BICC1: variants seen among roughly 807,000 people sequenced by gnomAD.
BICC1 encodes the protein BicC family RNA binding protein 1, also known as protein bicaudal C homolog 1.
Under a neutral mutation model 111.0 loss-of-function variants are expected in BICC1, and 43 were observed. The ratio of observed to expected loss-of-function variants is 0.39; its 90% CI spans 0.30 to 0.50. The LOEUF is 0.50. Ranked by LOEUF, BICC1 falls within the 20% of genes least tolerant of loss-of-function variation. The pLI is 0.88. For missense variants in BICC1, 1,091 were observed against 1,203.2 expected, an observed-to-expected ratio of 0.91 and a Z score of 1.38; for synonymous variants, 467 against 434.4, an observed-to-expected ratio of 1.07 and a Z score of -0.93.
intron 2 of BICC1, among the ~76,000 whole-genome samples, chr10:58,652,404 G>T (rs895817925): frequency 6.6e-6 from 1 of 152,010 alleles, no homozygotes; most frequent in East Asian, 1.9e-4. Flanking sequence ...TCTTTTGCTC[G>T]TAAATCTGAA....
chr10:58,608,433 T>C (rs2132097572), intron 1 of BICC1, among the ~76,000 whole-genome samples: 1 of 152,284 alleles, frequency 6.6e-6, no homozygotes, highest in East Asian at 1.9e-4. Flanking sequence ...AAAACGCGTT[T>C]TGGAATCAGA....
chr10:58,683,604 T>G lies in BICC1; in HGVS notation c.238-18470T>G, dbSNP rs192742038. 2.6e-5 allele frequency among the ~76,000 whole-genome samples: 4 copies of G among 152,314 alleles called. No homozygotes were observed. In the East Asian group the frequency reaches 7.7e-4, roughly 29 times the overall value. On this transcript the variant is annotated intron_variant, in intron 2 of 20. Transcript: ENST00000373886. Reference sequence around the variant, plus strand: ...CTTGAAGAGGTCCTTCACAAACTTTTAAGTTGGATTCCTAGGTATTTTATT... The same window carrying G: ...CTTGAAGAGGTCCTTCACAAACTTTGAAGTTGGATTCCTAGGTATTTTATT...
chr10:58,791,397 C>T (rs1252929095), intron 8 of BICC1, among the ~76,000 whole-genome samples: 1 of 152,082 alleles, frequency 6.6e-6, no homozygotes, highest in Non-Finnish European at 1.5e-5. Context: ...AGGCTTTAAC[C>T]CGTATTTTAA....
intron 3 of BICC1, among the ~76,000 whole-genome samples, chr10:58,750,937 A>G (rs1166677790): frequency 6.6e-6 from 1 of 152,062 alleles, no homozygotes; most frequent in East Asian, 1.9e-4. Flanking sequence ...TTCCTTGGGA[A>G]AGTCTTTTGC....
At chr10:58,810,442 G>A (rs1253625425) in intron 17 of BICC1, among the ~76,000 whole-genome samples, 1 of 152,044 alleles carries the variant, frequency 6.6e-6, no homozygotes, top group Non-Finnish European at 1.5e-5. Flanking sequence ...TGCTACTAAT[G>A]GAAAGATATG....
intron 3 of BICC1, among the ~76,000 whole-genome samples, chr10:58,704,725 T>C (rs1322331605): frequency 6.6e-6 from 1 of 152,214 alleles, no homozygotes; most frequent in African/African-American, 2.4e-5. Context: ...GGATGATTAT[T>C]ACATTCTAAA....
At chr10:58,534,983 A>G (rs1268337648) in intron 1 of BICC1, among the ~76,000 whole-genome samples, 1 of 151,698 alleles carries the variant, frequency 6.6e-6, no homozygotes, top group Non-Finnish European at 1.5e-5. Context: ...TAGATTAAGT[A>G]GAAGAAACAA....
At chr10:58,626,679 T>G (rs559278245) in intron 2 of BICC1, among the ~76,000 whole-genome samples, 5 of 152,286 alleles carry the variant, frequency 3.3e-5, no homozygotes, top group African/African-American at 1.2e-4. Context: ...CTGCTTCGAG[T>G]TGCATTGTAA....
chr10:58,536,010 A>C (rs778512746), intron 1 of BICC1, among the ~76,000 whole-genome samples: 10 of 151,680 alleles, frequency 6.6e-5, no homozygotes, highest in Non-Finnish European at 1.2e-4. Context: ...AAAAGGATCC[A>C]ATTCATGAAG....
At chr10:58,614,318 A>T (rs536900009) in intron 1 of BICC1, among the ~76,000 whole-genome samples, 1 of 152,212 alleles carries the variant, frequency 6.6e-6, no homozygotes, top group African/African-American at 2.4e-5. Context: ...GGGACTCAAC[A>T]CCGTTTGCAC....
intron 3 of BICC1, among the ~76,000 whole-genome samples, chr10:58,784,035 C>T (rs917750306): frequency 6.6e-6 from 1 of 152,152 alleles, no homozygotes; most frequent in Admixed American, 6.5e-5. Flanking sequence ...AGCCTTTACT[C>T]ATATCTCCTT....
intron 1 of BICC1, among the ~76,000 whole-genome samples, chr10:58,594,422 T>C (rs1284042837): frequency 6.6e-6 from 1 of 152,012 alleles, no homozygotes; most frequent in East Asian, 1.9e-4. Flanking sequence ...GACACATAAT[T>C]TTGAGATTCT....
At chr10:58,668,392 T>A (rs990742047) in intron 2 of BICC1, among the ~76,000 whole-genome samples, 8 of 152,108 alleles carry the variant, frequency 5.3e-5, no homozygotes, top group African/African-American at 1.9e-4. Context: ...TCACTCAATT[T>A]TTTTTTCCAG....
intron 2 of BICC1, among the ~76,000 whole-genome samples, chr10:58,693,920 A>G (rs1423193367): frequency 6.6e-6 from 1 of 152,096 alleles, no homozygotes; most frequent in Non-Finnish European, 1.5e-5. Flanking sequence ...GGTGTTTTAG[A>G]CATGAAGTCC....
At chr10:58,536,794 A>C (rs1842836344) in intron 1 of BICC1, among the ~76,000 whole-genome samples, 1 of 151,856 alleles carries the variant, frequency 6.6e-6, no homozygotes, top group South Asian at 2.1e-4. Context: ...CAAAACTGAT[A>C]CACTACTAGC....
intron 2 of BICC1, among the ~76,000 whole-genome samples, chr10:58,697,140 C>A (rs1341366035): frequency 6.6e-6 from 1 of 152,204 alleles, no homozygotes; most frequent in Non-Finnish European, 1.5e-5. Context: ...CCAGAATGAT[C>A]CGCTTAATTG....
chr10:58,797,026 C>T (rs768190542), intron 10 of BICC1, among the ~76,000 whole-genome samples: 3 of 152,078 alleles, frequency 2.0e-5, no homozygotes, highest in Non-Finnish European at 4.4e-5. Context: ...AGAGGCCAGA[C>T]CTGTATTTCT....
chr10:58,789,401 T>C lies in BICC1; in HGVS notation c.740T>C (p.Met247Thr). The C allele has an allele frequency of 1.2e-6, 2 of 1,614,082 alleles. No homozygotes were observed. Among genetic ancestry groups the C allele is most frequent in the Non-Finnish European group, 8.5e-7 (1 of 1,179,978 alleles). The change falls in exon 7 of 21, where the codon ATG becomes ACG. Residue 247 changes from methionine to threonine, a missense_variant. Around this residue, in one of 3 missense-constraint regions of BICC1, gnomAD observed 843 missense variants for 900.8 expected, o/e 0.94. Coordinates refer to ENST00000373886, the MANE Select transcript of BICC1 (RefSeq NM_001080512.3). ...ISVSFKQRSR[M>T]YGATVIVRGS... Reference sequence around the variant, plus strand: ...GTATCATTTAAACAGCGTTCCCGAATGTATGGTGCTACTGTCATAGTACGA... The same window carrying C: ...GTATCATTTAAACAGCGTTCCCGAACGTATGGTGCTACTGTCATAGTACGA...
intron 1 of BICC1, among the ~76,000 whole-genome samples, chr10:58,584,087 C>T (rs1242259540): frequency 6.6e-6 from 1 of 151,812 alleles, no homozygotes; most frequent in Non-Finnish European, 1.5e-5. Context: ...CACACACACA[C>T]ACACACACAC....
Sources: gnomAD v4.1 joint callset for allele counts (sites outside exome capture counted in the v4.1 genomes callset) on GRCh38, gnomAD v4.1.1 for gene constraint, gnomAD v4.1.1 regional missense constraint, MANE v1.5 for transcripts, NCBI Gene and HGNC (gene_info 2026-07-23, HGNC 2026-07-21) for gene names.